The following GAS2 variants were observed in gnomAD, a reference collection of about 807,000 sequenced individuals.
The protein encoded by GAS2 is growth arrest specific 2, also known as growth arrest-specific protein 2.
GAS2 carries 20 observed loss-of-function variants against 37.5 expected under a neutral mutation model. That is an observed-to-expected ratio of 0.53 (90% confidence interval 0.37 to 0.77). The LOEUF (loss-of-function observed/expected upper bound fraction) is 0.77. GAS2 is among the 30% of genes least tolerant of loss of function. The probability of loss-of-function intolerance (pLI) is 0.00; values close to 1 mark genes in which losing one functional copy is unlikely to be tolerated. For missense variants in GAS2, 336 were observed against 373.4 expected (o/e 0.90, Z 0.82); for synonymous variants, 144 against 132.2 (o/e 1.09, Z -0.61).
chr11:22,677,978 T>C (rs2061930), intron 2 of GAS2, among the ~76,000 whole-genome samples: 94,680 of 151,682 alleles, frequency 0.62, 30,719 homozygotes, highest in East Asian at 0.82. Context: ...AATGACTTTT[T>C]TTTTCAAATT....
intron 3 of GAS2, among the ~76,000 whole-genome samples, chr11:22,719,510 T>A (rs1565107836): frequency 6.6e-6 from 1 of 151,822 alleles, no homozygotes; most frequent in South Asian, 2.1e-4. Context: ...CCATAGTTTT[T>A]AGGGTTCACT....
chr11:22,799,691 C>A (rs2134632229), intron 7 of GAS2, among the ~76,000 whole-genome samples: 1 of 152,172 alleles, frequency 6.6e-6, no homozygotes, highest in African/African-American at 2.4e-5. Flanking sequence ...TTACCTTTCT[C>A]TTTCTCCTAT....
chr11:22,635,969 TCA>T (rs1214831650), intron 1 of GAS2, among the ~76,000 whole-genome samples: 1 of 152,144 alleles, frequency 6.6e-6, no homozygotes, highest in African/African-American at 2.4e-5. Context: ...CTCTGGGGAC[TCA>T]CAGTTTTCTG....
intron 4 of GAS2, 29 bp from the exon 5 acceptor site, chr11:22,737,676 A>G: frequency 6.2e-7 from 1 of 1,609,206 alleles, no homozygotes; most frequent in Non-Finnish European, 8.5e-7. Flanking sequence ...TTCTATTGTA[A>G]AGGTGTTCGC....
At chr11:22,778,109 C>G (rs1400396352) in intron 7 of GAS2, among the ~76,000 whole-genome samples, 1 of 152,094 alleles carries the variant, frequency 6.6e-6, no homozygotes, top group Non-Finnish European at 1.5e-5. Context: ...TACTCCTCCC[C>G]TAGAAAAAAA....
intron 1 of GAS2, among the ~76,000 whole-genome samples, chr11:22,640,595 C>G (rs983907758): frequency 4.6e-5 from 7 of 152,020 alleles, no homozygotes; most frequent in Admixed American, 1.3e-4. Flanking sequence ...TGCAACTGAC[C>G]ATTTCAAACA....
intron 7 of GAS2, among the ~76,000 whole-genome samples, chr11:22,805,137 T>C (rs547279793): frequency 9.9e-5 from 15 of 152,234 alleles, no homozygotes; most frequent in African/African-American, 3.4e-4. Flanking sequence ...AGCATGGAAT[T>C]TTAATCTCTA....
Position 22,735,224 on chromosome 11 carries a change from C to CTTTT in GAS2, c.410-2464_410-2461dup, listed in dbSNP as rs397750049. Among the ~76,000 whole-genome samples, 336 of 108,950 alleles carry CTTTT rather than the reference C, an allele frequency of 3.1e-3. 6 individuals carry two copies. The highest frequency in any genetic ancestry group is 4.9e-3 in the African/African-American group (133 of 27,272). 71.5% of individuals were successfully genotyped at this position (108,950 alleles called of 152,430 possible). A position where few individuals can be genotyped will look rare whatever the true frequency, so the allele number is the denominator to read the frequency against. On this transcript the variant is annotated intron_variant, in intron 4 of 7. Coordinates refer to ENST00000454584, the MANE Select transcript of GAS2 (RefSeq NM_001143830.3). ...CATTGCTTGCTGGTCACCAATCATT[C>CTTTT]TTTTTTTTTTTTTTTTTTTTGGTCC...
In GAS2 at chr11:22,734,488, T is replaced by C. The variant is rs138521467; in HGVS notation, c.410-3217T>C. Among the ~76,000 whole-genome samples the C allele has an allele frequency of 5.8e-3, 887 of 151,760 alleles. 3 individuals carry two copies. The highest frequency in any genetic ancestry group is 0.02 in the African/African-American group (848 of 41,508). On this transcript the variant is annotated intron_variant, in intron 4 of 7. Transcript: ENST00000454584. ...CTCCTAACAGTAATCTTCTCTTCAT[T>C]CCAGAGTTTCTCTCACTGTCTAGTA...
intron 3 of GAS2, 145 bp from the exon 4 acceptor site, chr11:22,726,147 C>A: frequency 1.4e-6 from 1 of 707,892 alleles, no homozygotes; most frequent in South Asian, 2.0e-5. Context: ...AATTGCATAG[C>A]ATTATATTTC....
intron 1 of GAS2, among the ~76,000 whole-genome samples, chr11:22,630,200 C>T (rs781346350): frequency 9.9e-5 from 15 of 152,254 alleles, no homozygotes; most frequent in Non-Finnish European, 1.6e-4. Context: ...CTTGACCCTT[C>T]CCCCACCCCA....
intron 3 of GAS2, among the ~76,000 whole-genome samples, chr11:22,705,245 C>A (rs1851055013): frequency 6.6e-6 from 1 of 152,110 alleles, no homozygotes; most frequent in African/African-American, 2.4e-5. Context: ...ATTCTTTGAA[C>A]CTGACGAGTA....
intron 6 of GAS2, among the ~76,000 whole-genome samples, chr11:22,749,775 CA>C (rs145946454): frequency 0.014 from 2,088 of 152,090 alleles, 57 homozygotes; most frequent in African/African-American, 0.048. Flanking sequence ...TAGATTCCAA[CA>C]AAAGTTTTGT....
At chr11:22,776,061 C>T (rs372980133) in intron 7 of GAS2, among the ~76,000 whole-genome samples, 6 of 152,194 alleles carry the variant, frequency 3.9e-5, no homozygotes, top group East Asian at 1.9e-4. Flanking sequence ...GTTTTGGGTA[C>T]GCGTTAACAC....
At chr11:22,802,281 G>A (rs1856698511) in intron 7 of GAS2, among the ~76,000 whole-genome samples, 1 of 151,924 alleles carries the variant, frequency 6.6e-6, no homozygotes, top group Non-Finnish European at 1.5e-5. Context: ...ACACAGGGTG[G>A]GGAACATCAC....
chr11:22,692,971 A>C (rs1850324676), intron 3 of GAS2, among the ~76,000 whole-genome samples: 1 of 152,136 alleles, frequency 6.6e-6, no homozygotes, highest in Non-Finnish European at 1.5e-5. Context: ...CTAGATGCTG[A>C]AACTTTGTTT....
In GAS2 at chr11:22,812,626, T is replaced by C. The variant is rs1202291180; in HGVS notation, c.*610T>C. The C allele has an allele frequency of 6.5e-6, 1 of 152,832 alleles. No individual in the cohort carries two copies. The highest frequency in any genetic ancestry group is 6.5e-5 in the Admixed American group (1 of 15,280). 9.5% of individuals were successfully genotyped at this position (152,832 alleles called of 1,614,324 possible). Reference sequence around the variant, plus strand: ...TCTATGACCAAATATCTGGGGTACTTTTAGAAGTTTTCAGTACACCCCCTT... The same window carrying C: ...TCTATGACCAAATATCTGGGGTACTCTTAGAAGTTTTCAGTACACCCCCTT... On this transcript the variant is annotated 3_prime_UTR_variant, in exon 8 of 8. Coordinates refer to ENST00000454584, the MANE Select transcript of GAS2 (RefSeq NM_001143830.3).
Position 22,674,832 on chromosome 11 carries a change from C to G in GAS2, c.-20-18C>G, listed in dbSNP as rs1849351000. On this transcript the variant is annotated intron_variant, in intron 1 of 7. Coordinates refer to ENST00000454584, the MANE Select transcript of GAS2 (RefSeq NM_001143830.3). ...GAAGTCTGTATAAAAAGCAATTGCT[C>G]TTTTGTTTCCAAAACAGGTATTACA... The G allele has an allele frequency of 6.5e-7, 1 of 1,546,438 alleles. No homozygotes were observed. The highest frequency in any genetic ancestry group is 1.4e-5 in the African/African-American group (1 of 72,372).
chr11:22,747,967 A>C (rs941067760), intron 5 of GAS2, among the ~76,000 whole-genome samples: 2 of 151,988 alleles, frequency 1.3e-5, no homozygotes, highest in African/African-American at 2.4e-5. Context: ...AATAATAAGC[A>C]GTTAGAATAG....
Sources: allele counts gnomAD v4.1 joint callset (sites outside exome capture counted in the v4.1 genomes callset), GRCh38; gene constraint gnomAD v4.1.1; transcripts MANE v1.5; gene names NCBI Gene and HGNC (gene_info 2026-07-23, HGNC 2026-07-21).